Variants in ADGRF4 observed in about 807,000 individuals in gnomAD.
ADGRF4 encodes the protein G-protein coupled receptor PGR18.
ADGRF4 carries 63 observed loss-of-function variants against 58.5 expected under a neutral mutation model. The ratio of observed to expected loss-of-function variants is 1.08; its 90% CI spans 0.88 to 1.33. The LOEUF is 1.33. Ranked by LOEUF, ADGRF4 falls within the 40% of genes most tolerant of loss-of-function variation. ADGRF4 has a pLI of 0.00. For missense variants in ADGRF4, 931 were observed against 843.9 expected (o/e 1.10, Z -1.28); for synonymous variants, 313 against 295.4 (o/e 1.06, Z -0.61).
intron 9 of ADGRF4, 150 bp from the exon 10 acceptor site, chr6:47,721,059 G>A (rs1464029359): frequency 6.6e-6 from 1 of 152,206 alleles, no homozygotes; most frequent in African/African-American, 2.4e-5. Context: ...TTACTCAACG[G>A]CTCTGTGCTT....
chr6:47,707,149 G>T, intron 1 of ADGRF4, 81 bp from the exon 2 acceptor site: 1 of 804,310 alleles, frequency 1.2e-6, no homozygotes, highest in Admixed American at 1.7e-5. Context: ...GGTTCACTAA[G>T]GGGTTGGTTA....
intron 1 of ADGRF4, among the ~76,000 whole-genome samples, chr6:47,703,007 C>G (rs1282712058): frequency 2.0e-5 from 3 of 152,192 alleles, no homozygotes; most frequent in Non-Finnish European, 4.4e-5. Flanking sequence ...GGACAATTCT[C>G]ACTCTTCTTG....
intron 4 of ADGRF4, 135 bp downstream of exon 4, chr6:47,711,021 T>A (rs1242473826): frequency 1.7e-5 from 14 of 809,318 alleles, no homozygotes; most frequent in Non-Finnish European, 2.6e-5. Context: ...TGGGTTAAAT[T>A]TGTTTCTTGA....
chr6:47,706,654 A>G (rs1376718949), intron 1 of ADGRF4, among the ~76,000 whole-genome samples: 1 of 152,230 alleles, frequency 6.6e-6, no homozygotes. Context: ...GAATTGTCCA[A>G]TCCAGAATGT....
chr6:47,714,273 G>A lies in ADGRF4; in HGVS notation c.1028G>A (p.Arg343His), dbSNP rs138156132. The change falls in exon 6 of 10, where the codon CGC (arginine) becomes CAC (histidine). Residue 343 changes from arginine (R) to histidine (H), a missense_variant. Coordinates refer to ENST00000283303, the MANE Select transcript of ADGRF4 (RefSeq NM_153838.5). Reference sequence around the variant, plus strand: ...ACCTTCGAAAAGATCAATAAAACCCGCAATGCCAGAGCCCAGTGTGTTGGC... The same window carrying A: ...ACCTTCGAAAAGATCAATAAAACCCACAATGCCAGAGCCCAGTGTGTTGGC... ...ILTFEKINKT[R>H]NARAQCVGWH... 1.8e-4 allele frequency: 287 copies of A among 1,614,136 alleles called. 1 individual carries two copies. The highest frequency in any genetic ancestry group is 2.2e-4 in the Non-Finnish European group (257 of 1,180,018).
At chr6:47,716,331 G>C (rs1290634055) in intron 6 of ADGRF4, among the ~76,000 whole-genome samples, 5 of 148,726 alleles carry the variant, frequency 3.4e-5, no homozygotes, top group Non-Finnish European at 7.5e-5. Context: ...ATGTAGAAAT[G>C]TTTTTTTTTT....
intron 3 of ADGRF4, among the ~76,000 whole-genome samples, chr6:47,709,084 T>G (rs1171308040): frequency 6.6e-6 from 1 of 152,228 alleles, no homozygotes; most frequent in Non-Finnish European, 1.5e-5. Flanking sequence ...AAACAAGGTT[T>G]GGCAAAGCTT....
At chr6:47,698,966 T>G (rs954292380) in intron 1 of ADGRF4, among the ~76,000 whole-genome samples, 172 bp downstream of exon 1, 8 of 152,244 alleles carry the variant, frequency 5.3e-5, no homozygotes, top group Admixed American at 5.2e-4. Context: ...GGTTGGAGTA[T>G]TTCCTAAGCC....
At chr6:47,710,482 C>T (rs551260257) in intron 3 of ADGRF4, among the ~76,000 whole-genome samples, 96 of 152,324 alleles carry the variant, frequency 6.3e-4, no homozygotes, top group Middle Eastern at 3.4e-3. Flanking sequence ...TTGCCACTCC[C>T]CCTTCAGGTG....
At chr6:47,707,870 T>G (rs1581692474) in intron 2 of ADGRF4, among the ~76,000 whole-genome samples, 1 of 152,218 alleles carries the variant, frequency 6.6e-6, no homozygotes, top group African/African-American at 2.4e-5. Context: ...TTAACTTCAT[T>G]TCATCCTTAC....
intron 6 of ADGRF4, 115 bp downstream of exon 6, chr6:47,715,292 G>A (rs901813509): frequency 1.1e-5 from 9 of 805,450 alleles, no homozygotes; most frequent in Admixed American, 1.0e-4. Context: ...TACATCTTAG[G>A]GTTATTTGGC....
chr6:47,713,975 G>T lies in ADGRF4; in HGVS notation c.730G>T (p.Gly244Trp), dbSNP rs113689068. 5,506 of 1,604,670 alleles carry T rather than the reference G, an allele frequency of 3.4e-3. 118 individuals are homozygous for T. Among genetic ancestry groups the T allele is most frequent in the East Asian group, 0.034 (1,525 of 44,752 alleles). ...IVNELFIQTK[G>W]FHINHNTSEK... is the part of the protein sequence containing the mutation. ...GAATGAACTCTTCATTCAGACAAAA[G>T]GGTTTCACATCAACCATAATACCTC... The change falls in exon 6 of 10, where the codon GGG becomes TGG. Residue 244 changes from glycine to tryptophan, a missense_variant. Physicochemically the swap from Gly to Trp is radical, Grantham distance 184. Coordinates refer to ENST00000283303, the MANE Select transcript of ADGRF4 (RefSeq NM_153838.5).
At chr6:47,699,780 G>T (rs538648092) in intron 1 of ADGRF4, among the ~76,000 whole-genome samples, 2 of 152,162 alleles carry the variant, frequency 1.3e-5, no homozygotes, top group South Asian at 4.2e-4. Context: ...AGAGATACTG[G>T]GTCTTAAACA....
At chr6:47,707,967 A>G (rs970886751) in intron 2 of ADGRF4, among the ~76,000 whole-genome samples, 12 of 152,162 alleles carry the variant, frequency 7.9e-5, no homozygotes, top group Admixed American at 7.2e-4. Flanking sequence ...AAGATGTAGC[A>G]TCTCTACTAA....
At chr6:47,719,265 A>G (rs1283529402) in intron 9 of ADGRF4, among the ~76,000 whole-genome samples, 2 of 152,146 alleles carry the variant, frequency 1.3e-5, no homozygotes, top group Admixed American at 6.5e-5. Context: ...CCTACAAACC[A>G]TATGCTGTGC....
At position 47,713,857 on chromosome 6, in the gene ADGRF4, C is replaced by T. The variant is rs773379418; in HGVS notation, c.612C>T (p.Phe204=). Residue 204 remains phenylalanine (F), a synonymous_variant, in exon 6 of 10, where the codon TTC becomes TTT. Transcript: ENST00000283303. The part of the protein sequence containing the change: ...LDTAAISNWA[F]IPNKNASSDL... ...CAGCAGCCATTTCAAACTGGGCTTTCATTCCCAACAAAAATGCCAGCTCGG... is the reference window on the plus strand; with the variant it reads ...CAGCAGCCATTTCAAACTGGGCTTTTATTCCCAACAAAAATGCCAGCTCGG... The T allele has an allele frequency of 6.3e-7, 1 of 1,596,954 alleles. No individual in the cohort carries two copies. The highest frequency in any genetic ancestry group is 1.3e-5 in the African/African-American group (1 of 74,314).
Position 47,712,525 on chromosome 6 carries a change from T to A in ADGRF4, c.469T>A (p.Ser157Thr). ...CATGGTGAAATCATCAGAAACAACA[T>A]CTGGAAATATTGCATTTATAGTGGA... ...TDMVKSSETT[S>T]GNIAFIVELL... is the part of the protein sequence containing the mutation. Residue 157 changes from serine (S) to threonine (T), a missense_variant, in exon 5 of 10, where the codon TCT becomes ACT. Coordinates refer to ENST00000283303, the MANE Select transcript of ADGRF4 (RefSeq NM_153838.5). 1 of 1,612,654 alleles carries A rather than the reference T, an allele frequency of 6.2e-7. No individual in the cohort carries two copies.
chr6:47,716,807 GT>G lies in ADGRF4; in HGVS notation c.1940del (p.Phe647SerfsTer13). On this transcript the variant is annotated frameshift_variant and splice_region_variant, in exon 7 of 10. Transcript: ENST00000283303. LOFTEE classifies it high-confidence loss of function. ...IIFALLNAFQ[G>X]FFILLFGTIM... ...TGAATCTGTTCAATTTTGCCACAGG[GT>G]TTTTTCATCCTGCTGTTTGGAACCA... The G allele has an allele frequency of 6.2e-7, 1 of 1,601,154 alleles. No individual in the cohort carries two copies. The highest frequency in any genetic ancestry group is 8.5e-7 in the Non-Finnish European group (1 of 1,173,740).
At position 47,721,541 on chromosome 6, in the gene ADGRF4, G is replaced by C. The variant is rs866266842; in HGVS notation, c.*336G>C. 3 of 152,298 alleles carry C rather than the reference G, an allele frequency of 2.0e-5. No homozygotes were observed. In the East Asian group the frequency reaches 5.8e-4, roughly 29 times the overall value. The allele number at this position is 152,298 out of a possible 1,614,324, so 9.4% of individuals were successfully genotyped here. On this transcript the variant is annotated 3_prime_UTR_variant, in exon 10 of 10. Transcript: ENST00000283303. The stretch of plus-strand genomic sequence containing the variant: ...CAGCTGGGGGCTGTAGGGCCCTGCT[G>C]GGCTTGGTCGTCTTTCACTCCTGAG...
Sources: gnomAD v4.1 joint callset for allele counts (sites outside exome capture counted in the v4.1 genomes callset) on GRCh38, gnomAD v4.1.1 for gene constraint, MANE v1.5 for transcripts, NCBI Gene and HGNC (gene_info 2026-07-23, HGNC 2026-07-21) for gene names.